Variants in CTNND2 observed in about 807,000 individuals in gnomAD.
CTNND2 encodes catenin delta 2, also known as catenin delta-2.
In CTNND2, 22 loss-of-function variants were observed where a neutral mutation model predicts 144.4. The observed-to-expected ratio is 0.15, with a 90% CI of 0.11 to 0.22. The LOEUF (loss-of-function observed/expected upper bound fraction) is 0.22. Ranked by LOEUF, CTNND2 falls within the 10% of genes least tolerant of loss-of-function variation. CTNND2 has a pLI of 1.00. For synonymous variants in CTNND2, 751 were observed against 695.6 expected, an observed-to-expected ratio of 1.08 and a Z score of -1.25; for missense variants, 1,353 against 1,618.8, an observed-to-expected ratio of 0.84 and a Z score of 2.82.
chr5:11,502,729 A>AT (rs1488876331), intron 3 of CTNND2, among the ~76,000 whole-genome samples: 1 of 152,078 alleles, frequency 6.6e-6, no homozygotes, highest in Non-Finnish European at 1.5e-5. Context: ...CTTGTCTAAG[A>AT]TTTTCCACCC....
rs114712420 is a variant in CTNND2 at position 11,226,393 on chromosome 5, A to C, written c.1761+10298T>G. ...TATTTCCTCCATAGCCCACATCACC[A>C]TCTCACCCATGATGAATGTATGCCT... On this transcript the variant is annotated intron_variant, in intron 10 of 21. Transcript: ENST00000304623. 2.3e-3 allele frequency among the ~76,000 whole-genome samples: 351 copies of C among 152,300 alleles called. 4 individuals carry two copies. The highest frequency in any genetic ancestry group is 7.7e-3 in the African/African-American group (320 of 41,556).
At chr5:11,804,349 C>T (rs1002832791) in intron 1 of CTNND2, among the ~76,000 whole-genome samples, 1 of 152,088 alleles carries the variant, frequency 6.6e-6, no homozygotes, top group Non-Finnish European at 1.5e-5. Flanking sequence ...TCTTTATACT[C>T]CTAGGTATTT....
In CTNND2 at chr5:11,384,990, G is replaced by A; in HGVS notation, c.852C>T (p.Gly284=). ...GGSPTKLQRG[G]SAPEGATYAA... Reference sequence around the variant, plus strand: ...CGTAGGTGGCGCCCTCGGGGGCCGAGCCGCCGCGCTGCAGCTTGGTGGGCG... The same window carrying A: ...CGTAGGTGGCGCCCTCGGGGGCCGAACCGCCGCGCTGCAGCTTGGTGGGCG... Residue 284 remains glycine (G), a synonymous_variant, in exon 7 of 22, where the codon GGC becomes GGT. Transcript: ENST00000304623. This position sits in a 1 kb window ranked among gnomAD's most constrained non-coding sequence, Gnocchi z 5.2. The A allele has an allele frequency of 6.6e-7, 1 of 1,517,598 alleles. No homozygotes were observed. Among genetic ancestry groups the A allele is most frequent in the Non-Finnish European group, 8.8e-7 (1 of 1,138,700 alleles). 94.0% of individuals were successfully genotyped at this position (1,517,598 alleles called of 1,614,324 possible). A position where few individuals can be genotyped will look rare whatever the true frequency, so the allele number is the denominator to read the frequency against.
rs1780380797 is a variant in CTNND2 at position 11,612,505 on chromosome 5, ATT to A, written c.175-47451_175-47450del. On this transcript the variant is annotated intron_variant, in intron 2 of 21. Transcript: ENST00000304623. ...TCTTCATGGTATACACATTAAGTAAATTTGATTGTGAAGTGAAAACTATTCAC... is the reference window on the plus strand; with the variant it reads ...TCTTCATGGTATACACATTAAGTAAATGATTGTGAAGTGAAAACTATTCAC... 2.0e-5 allele frequency among the ~76,000 whole-genome samples: 3 copies of A among 152,312 alleles called. No individual in the cohort carries two copies. The South Asian group carries it at 6.2e-4, about 32-fold the overall frequency.
intron 2 of CTNND2, among the ~76,000 whole-genome samples, chr5:11,602,314 A>C (rs1779833585): frequency 6.6e-6 from 1 of 152,122 alleles, no homozygotes; most frequent in African/African-American, 2.4e-5. Flanking sequence ...GAACTCAATG[A>C]TTTTTGTCAT....
At chr5:11,367,186 T>C (rs1219456287) in intron 7 of CTNND2, among the ~76,000 whole-genome samples, 2 of 152,212 alleles carry the variant, frequency 1.3e-5, no homozygotes. Flanking sequence ...AGATAAGGCA[T>C]TTTAAAAAGA....
intron 2 of CTNND2, among the ~76,000 whole-genome samples, chr5:11,651,784 T>G (rs1265744082): frequency 6.6e-6 from 1 of 152,252 alleles, no homozygotes; most frequent in African/African-American, 2.4e-5. Flanking sequence ...TGTAGCCTCT[T>G]TGTTTTGGCT....
chr5:11,029,184 A>C (rs1319128903), intron 16 of CTNND2, among the ~76,000 whole-genome samples: 1 of 152,198 alleles, frequency 6.6e-6, no homozygotes, highest in Non-Finnish European at 1.5e-5. Flanking sequence ...TTTGAATCTA[A>C]AGTAAGTTTT....
chr5:10,977,326 G>T (rs1355136909), intron 21 of CTNND2, among the ~76,000 whole-genome samples: 1 of 152,176 alleles, frequency 6.6e-6, no homozygotes, highest in African/African-American at 2.4e-5. Context: ...AAAGCTCTTT[G>T]TTTCTAGTTC....
intron 1 of CTNND2, among the ~76,000 whole-genome samples, chr5:11,816,283 A>G (rs574862361): frequency 5.3e-5 from 8 of 152,236 alleles, no homozygotes; most frequent in South Asian, 2.1e-4. Context: ...GAACACCACA[A>G]AAGAGAACTG....
intron 3 of CTNND2, among the ~76,000 whole-genome samples, chr5:11,439,740 ATATC>A (rs57368706): frequency 0.28 from 40,542 of 145,920 alleles, 5,803 homozygotes; most frequent in African/African-American, 0.34. Flanking sequence ...TCTGCTAGCT[ATATC>A]TATCTATCTA....
intron 5 of CTNND2, among the ~76,000 whole-genome samples, chr5:11,403,039 T>A (rs994768999): frequency 1.3e-5 from 2 of 152,214 alleles, no homozygotes; most frequent in African/African-American, 4.8e-5. Context: ...TTTTCTTTTT[T>A]TTAAATTTTA....
At chr5:11,841,818 A>G (rs1581985991) in intron 1 of CTNND2, among the ~76,000 whole-genome samples, 1 of 151,706 alleles carries the variant, frequency 6.6e-6, no homozygotes, top group East Asian at 1.9e-4. Context: ...CATTCACAAG[A>G]AAGCCTCCCA....
Position 11,342,075 on chromosome 5 carries a change from C to T in CTNND2, c.1628+4297G>A, listed in dbSNP as rs183469730. The stretch of plus-strand genomic sequence containing the variant: ...GCTTTCAATTCACTATATATGCATG[C>T]GCGTGGGTGTGTGTGTGTGTGTCCA... On this transcript the variant is annotated intron_variant, in intron 9 of 21. Transcript: ENST00000304623. Among the ~76,000 whole-genome samples the T allele has an allele frequency of 1.0e-3, 153 of 152,024 alleles. 2 individuals carry two copies. In the East Asian group the frequency reaches 0.021, roughly 21 times the overall value.
intron 3 of CTNND2, among the ~76,000 whole-genome samples, chr5:11,492,503 ATATGTGTGTG>A (rs1440541553): frequency 8.2e-6 from 1 of 122,588 alleles, no homozygotes; most frequent in African/African-American, 3.6e-5. Flanking sequence ...ATATATATAT[ATATGTGTGTG>A]TGTGTGTGTG....
intron 1 of CTNND2, 109 bp from the exon 2 acceptor site, chr5:11,732,381 T>C: frequency 9.3e-7 from 1 of 1,074,398 alleles, no homozygotes; most frequent in Admixed American, 2.3e-5. Flanking sequence ...AACTATAAGC[T>C]GCTGAGAAAG....
At chr5:11,194,584 G>A (rs1736667567) in intron 11 of CTNND2, among the ~76,000 whole-genome samples, 1 of 152,060 alleles carries the variant, frequency 6.6e-6, no homozygotes, top group East Asian at 1.9e-4. Context: ...AAGCTTCACC[G>A]ACATGCAGAG....
chr5:11,658,656 T>G (rs2126559819), intron 2 of CTNND2, among the ~76,000 whole-genome samples: 1 of 152,300 alleles, frequency 6.6e-6, no homozygotes, highest in Admixed American at 6.5e-5. Context: ...TTGAACTCAC[T>G]TAAGCCCCCT....
In CTNND2 at chr5:11,701,390, A is replaced by G. The variant is rs149200181; in HGVS notation, c.174+30746T>C. ...ATGAAGTATAAGTAAATCCAAAGTG[A>G]ACTTAATTGACAACCTAATAACAAT... On this transcript the variant is annotated intron_variant, in intron 2 of 21. Transcript: ENST00000304623. Among the ~76,000 whole-genome samples the G allele has an allele frequency of 2.1e-4, 32 of 152,338 alleles. 1 individual carries two copies. The highest frequency in any genetic ancestry group is 7.2e-4 in the African/African-American group (30 of 41,582).
Sources: allele counts gnomAD v4.1 joint callset (sites outside exome capture counted in the v4.1 genomes callset), GRCh38; gene constraint gnomAD v4.1.1; non-coding constraint Gnocchi (gnomAD v3.1); transcripts MANE v1.5; gene names NCBI Gene and HGNC (gene_info 2026-07-23, HGNC 2026-07-21).